Variants in NTM observed in about 807,000 individuals in gnomAD.
NTM encodes IgLON family member 2.
A neutral mutation model predicts 42.1 loss-of-function variants in NTM; 13 were observed. That is an observed-to-expected ratio of 0.31 (90% confidence interval 0.20 to 0.49). The LOEUF (loss-of-function observed/expected upper bound fraction) is 0.49, where lower values mean the gene tolerates loss of function less well. NTM is among the 20% of genes least tolerant of loss of function. The pLI, the probability that NTM is intolerant of heterozygous loss-of-function variation, is 0.99. For missense variants in NTM, 373 were observed against 452.8 expected (o/e 0.82, Z 1.60); for synonymous variants, 187 against 179.2 (o/e 1.04, Z -0.35).
intron 2 of NTM, among the ~76,000 whole-genome samples, chr11:131,927,179 T>A (rs2058057830): frequency 6.6e-6 from 1 of 152,200 alleles, no homozygotes. Context: ...TTTGCCTTTT[T>A]AAAAAATTTC....
chr11:132,099,933 C>A (rs1010495853), intron 2 of NTM, among the ~76,000 whole-genome samples: 1 of 152,114 alleles, frequency 6.6e-6, no homozygotes, highest in Non-Finnish European at 1.5e-5. Context: ...CTACCCCATC[C>A]TTTTCTTCCT....
At chr11:131,430,292 A>G (rs1948547667) in intron 1 of NTM, among the ~76,000 whole-genome samples, 1 of 152,230 alleles carries the variant, frequency 6.6e-6, no homozygotes, top group Non-Finnish European at 1.5e-5. Context: ...TTTTTAAACT[A>G]TGAGGAAGAC....
chr11:132,256,971 C>G, intron 4 of NTM, among the ~76,000 whole-genome samples: 1 of 152,172 alleles, frequency 6.6e-6, no homozygotes, highest in East Asian at 1.9e-4. Context: ...AAACACTACC[C>G]ACTGAACCCC....
At chr11:131,423,403 A>G (rs1461911899) in intron 1 of NTM, among the ~76,000 whole-genome samples, 1 of 152,210 alleles carries the variant, frequency 6.6e-6, no homozygotes, top group African/African-American at 2.4e-5. Flanking sequence ...CATTCATAGT[A>G]AAGATTCAGC....
At chr11:131,833,239 G>A (rs2043051147) in intron 1 of NTM, among the ~76,000 whole-genome samples, 1 of 152,152 alleles carries the variant, frequency 6.6e-6, no homozygotes, top group Admixed American at 6.5e-5. Context: ...TAGTCACATA[G>A]GCCTGAGTTT....
rs763827520 is a variant in NTM at position 131,678,825 on chromosome 11, G to A, written c.83-232739G>A. ...GTGAAGCAGAGGCATGGCCAGAAGCGAGGCTAGAACAAGGCTGTCCGGGAC... is the reference window on the plus strand; with the variant it reads ...GTGAAGCAGAGGCATGGCCAGAAGCAAGGCTAGAACAAGGCTGTCCGGGAC... On this transcript the variant is annotated intron_variant, in intron 1 of 8. Transcript: ENST00000683400. 1.5e-4 allele frequency among the ~76,000 whole-genome samples: 23 copies of A among 152,272 alleles called. No individual in the cohort carries two copies. In the South Asian group the frequency reaches 1.9e-3, roughly 12 times the overall value.
chr11:131,469,747 C>A (rs889704701), intron 1 of NTM, among the ~76,000 whole-genome samples: 2 of 152,180 alleles, frequency 1.3e-5, no homozygotes, highest in Admixed American at 6.5e-5. Context: ...GAAAAATGAT[C>A]ATAGTACCTC....
chr11:131,889,782 A>C (rs2050976793), intron 1 of NTM, among the ~76,000 whole-genome samples: 1 of 152,066 alleles, frequency 6.6e-6, no homozygotes, highest in Non-Finnish European at 1.5e-5. Flanking sequence ...AGGAAAGTAC[A>C]GGAACCCAAG....
At chr11:131,468,767 C>A (rs1296276728) in intron 1 of NTM, among the ~76,000 whole-genome samples, 1 of 152,180 alleles carries the variant, frequency 6.6e-6, no homozygotes, top group African/African-American at 2.4e-5. Context: ...ATCTTCAAAA[C>A]TCCCTAGGGA....
chr11:132,108,397 T>C (rs908007799), intron 2 of NTM, among the ~76,000 whole-genome samples: 1 of 152,158 alleles, frequency 6.6e-6, no homozygotes, highest in East Asian at 1.9e-4. Flanking sequence ...CTGGATGGAA[T>C]TGGAGGCCAT....
intron 1 of NTM, among the ~76,000 whole-genome samples, chr11:131,899,560 G>A (rs659910): frequency 6.6e-5 from 10 of 152,028 alleles, no homozygotes; most frequent in South Asian, 6.2e-4. Context: ...TCAGATGTCC[G>A]AGTTACCTGC....
At position 132,196,437 on chromosome 11, in the gene NTM, C is replaced by T. The variant is rs2080226058; in HGVS notation, c.401-15585C>T. ...ACCTTTCAATGCAGCACTCTTGTTA[C>T]TGGGTATATACCACAAGGAAAAGAA... is the stretch of plus-strand genomic sequence containing the variant. On this transcript the variant is annotated intron_variant, in intron 3 of 8. Coordinates refer to ENST00000683400, the MANE Select transcript of NTM (RefSeq NM_001352005.2). Among the ~76,000 whole-genome samples, 3 of 152,094 alleles carry T rather than the reference C, an allele frequency of 2.0e-5. No individual in the cohort carries two copies. In the South Asian group the frequency reaches 6.2e-4, roughly 32 times the overall value.
At chr11:131,860,481 C>G (rs1012770174) in intron 1 of NTM, among the ~76,000 whole-genome samples, 1 of 152,220 alleles carries the variant, frequency 6.6e-6, no homozygotes, top group Admixed American at 6.5e-5. Context: ...AGTAGAGACT[C>G]AGAGTCTAAG....
In NTM at chr11:131,501,808, T is replaced by G. The variant is rs1212044193; in HGVS notation, c.82+130920T>G. Among the ~76,000 whole-genome samples the G allele has an allele frequency of 3.9e-5, 6 of 152,086 alleles. No individual in the cohort carries two copies. The East Asian group carries it at 1.2e-3, about 29-fold the overall frequency. ...TTGCAAGGGTTTTGGCCTGAGCAAC[T>G]GGTTGGATGGTGACACCATTTATTA... is the stretch of plus-strand genomic sequence containing the variant. On this transcript the variant is annotated intron_variant, in intron 1 of 8. Coordinates refer to ENST00000683400, the MANE Select transcript of NTM (RefSeq NM_001352005.2).
intron 1 of NTM, among the ~76,000 whole-genome samples, chr11:131,555,000 TA>T (rs2055209540): frequency 6.6e-6 from 1 of 152,188 alleles, no homozygotes; most frequent in Non-Finnish European, 1.5e-5. Context: ...ATACACTTTC[TA>T]AATCACCATT....
intron 1 of NTM, among the ~76,000 whole-genome samples, chr11:131,470,192 A>G (rs1591761951): frequency 1.3e-5 from 2 of 152,190 alleles, no homozygotes; most frequent in East Asian, 3.9e-4. Flanking sequence ...CTGTTCTGCT[A>G]TTAGCCCGGG....
rs1212867431 is a variant in NTM, at chr11:131,598,868, CCTTCCTT to C, written c.82+227989_82+227995del. On this transcript the variant is annotated intron_variant, in intron 1 of 8. Transcript: ENST00000683400. ...TTCTTTCTTCCTTCCTTCCTTCCTT[CCTTCCTT>C]CTTCCTTCCTTCCTTCCTTCCTTCC... Among the ~76,000 whole-genome samples, 15 of 33,538 alleles carry C rather than the reference CCTTCCTT, an allele frequency of 4.5e-4. 1 individual carries two copies. Among genetic ancestry groups the C allele is most frequent in the African/African-American group, 8.9e-4 (12 of 13,440 alleles). The allele number at this position is 33,538 out of a possible 152,430, so 22.0% of individuals were successfully genotyped here. A position where few individuals can be genotyped will look rare whatever the true frequency, so the allele number is the denominator to read the frequency against.
intron 1 of NTM, among the ~76,000 whole-genome samples, chr11:131,742,264 T>C (rs534709170): frequency 1.3e-5 from 2 of 152,298 alleles, no homozygotes; most frequent in Non-Finnish European, 2.9e-5. Flanking sequence ...AAACTCAAAA[T>C]GTGTAAATTC....
At chr11:131,543,211 ATCT>A (rs943108877) in intron 1 of NTM, among the ~76,000 whole-genome samples, 1 of 152,182 alleles carries the variant, frequency 6.6e-6, no homozygotes, top group Non-Finnish European at 1.5e-5. Context: ...GAAGAAATCA[ATCT>A]TCTTTTCTAG....
Sources: allele counts gnomAD v4.1 joint callset (sites outside exome capture counted in the v4.1 genomes callset), GRCh38; gene constraint gnomAD v4.1.1; transcripts MANE v1.5; gene names NCBI Gene and HGNC (gene_info 2026-07-23, HGNC 2026-07-21).